The following BZW2 variants were observed in gnomAD, a reference collection of about 807,000 sequenced individuals.
BZW2 encodes the protein eIF5-mimic protein 1.
In BZW2, 23 loss-of-function variants were observed where a neutral mutation model predicts 53.2. That is an observed-to-expected ratio of 0.43 (90% CI 0.31 to 0.61). BZW2 has a LOEUF of 0.61. Ranked by LOEUF, BZW2 falls within the 20% of genes least tolerant of loss-of-function variation. The probability of loss-of-function intolerance (pLI) is 0.09; values close to 1 mark genes in which losing one functional copy is unlikely to be tolerated. For missense variants in BZW2, 409 were observed against 503.1 expected (o/e 0.81, Z 1.79); for synonymous variants, 227 against 186.4 (o/e 1.22, Z -1.77).
chr7:16,674,462 G>A lies in BZW2; in HGVS notation c.109G>A (p.Gly37Arg). The A allele has an allele frequency of 6.2e-7, 1 of 1,612,466 alleles. No individual in the cohort carries two copies. Among genetic ancestry groups the A allele is most frequent in the Non-Finnish European group, 8.5e-7 (1 of 1,179,020 alleles). ...PTVFRDTLVQGLNEAGDDLEA... is the reference protein window; with the variant it reads ...PTVFRDTLVQRLNEAGDDLEA... ...AGTCTTCAGGGATACACTTGTCCAG[G>A]GGCTTAATGAGGCTGGTGATGACCT... is the stretch of plus-strand genomic sequence containing the variant. Residue 37 changes from glycine (G) to arginine (R), a missense_variant, in exon 3 of 12, where the codon GGG becomes AGG. Coordinates refer to ENST00000258761, the MANE Select transcript of BZW2 (RefSeq NM_014038.3).
chr7:16,697,888 G>T, intron 9 of BZW2, 160 bp from the exon 10 acceptor site: 1 of 798,334 alleles, frequency 1.3e-6, no homozygotes. Context: ...CTACTGTTCT[G>T]TTCCCCTCAC....
At chr7:16,698,938 A>G (rs1171345920) in intron 10 of BZW2, among the ~76,000 whole-genome samples, 2 of 152,206 alleles carry the variant, frequency 1.3e-5, no homozygotes, top group Admixed American at 1.3e-4. Flanking sequence ...GAAAAGTTAA[A>G]ATAATACCAG....
In BZW2 at chr7:16,698,101, C is replaced by A; in HGVS notation, c.1023C>A (p.Ile341=). 6.2e-7 allele frequency: 1 copy of A among 1,614,164 alleles called. No homozygotes were observed. Among genetic ancestry groups the A allele is most frequent in the Non-Finnish European group, 8.5e-7 (1 of 1,180,000 alleles). ...VFSSQGQSEL[I]LLQKVQEYCY... is the part of the protein sequence containing the mutation. Reference sequence around the variant, plus strand: ...GCTCCCAAGGCCAGTCAGAGCTGATCCTCCTCCAGAAGGTTCAGGAATACT... The same window carrying A: ...GCTCCCAAGGCCAGTCAGAGCTGATACTCCTCCAGAAGGTTCAGGAATACT... The change falls in exon 10 of 12, where the codon ATC becomes ATA. Residue 341 remains isoleucine (I), a synonymous_variant. Coordinates refer to ENST00000258761, the MANE Select transcript of BZW2 (RefSeq NM_014038.3).
intron 1 of BZW2, among the ~76,000 whole-genome samples, chr7:16,663,715 C>G (rs1261486532): frequency 2.6e-5 from 4 of 151,866 alleles, no homozygotes; most frequent in Admixed American, 2.0e-4. Context: ...TATCTAAAAG[C>G]TTTGGAAGGT....
intron 1 of BZW2, among the ~76,000 whole-genome samples, chr7:16,661,551 A>G (rs1782261474): frequency 6.6e-6 from 1 of 152,098 alleles, no homozygotes; most frequent in Non-Finnish European, 1.5e-5. Context: ...AGACCTAAAA[A>G]CCTTTCAATT....
intron 4 of BZW2, among the ~76,000 whole-genome samples, chr7:16,682,516 A>G (rs1199652624): frequency 1.3e-5 from 2 of 151,998 alleles, no homozygotes; most frequent in Non-Finnish European, 1.5e-5. Context: ...AATCACATTT[A>G]TTTTATTTTC....
intron 1 of BZW2, among the ~76,000 whole-genome samples, chr7:16,660,921 C>T (rs1457304369): frequency 6.6e-6 from 1 of 152,094 alleles, no homozygotes; most frequent in African/African-American, 2.4e-5. Context: ...CAGCCATGAC[C>T]ATTTGTCTGC....
intron 10 of BZW2, among the ~76,000 whole-genome samples, chr7:16,703,153 C>A (rs938297387): frequency 6.6e-6 from 1 of 152,088 alleles, no homozygotes; most frequent in South Asian, 2.1e-4. Context: ...CAGTGGAGAG[C>A]TGGAAACAAA....
chr7:16,700,282 G>A (rs925674985), intron 10 of BZW2, among the ~76,000 whole-genome samples: 1 of 152,162 alleles, frequency 6.6e-6, no homozygotes, highest in African/African-American at 2.4e-5. Context: ...CCTGAGGAAT[G>A]ATTGTTCCAT....
At chr7:16,681,500 G>A in intron 4 of BZW2, 96 bp downstream of exon 4, 8 of 1,015,144 alleles carry the variant, frequency 7.9e-6, no homozygotes, top group African/African-American at 1.6e-5. Flanking sequence ...AGGAATCTTA[G>A]AAAGCCTTTA....
chr7:16,668,275 CG>C (rs1365526715), intron 2 of BZW2, among the ~76,000 whole-genome samples: 3 of 152,158 alleles, frequency 2.0e-5, no homozygotes, highest in African/African-American at 7.2e-5. Flanking sequence ...CTGGCCCTTA[CG>C]TTTGTCTTCA....
intron 5 of BZW2, 135 bp from the exon 6 acceptor site, chr7:16,685,770 T>A: frequency 8.9e-7 from 1 of 1,120,468 alleles, no homozygotes; most frequent in Non-Finnish European, 1.2e-6. Flanking sequence ...GCTTTGCATA[T>A]GACCTTCTGT....
intron 7 of BZW2, among the ~76,000 whole-genome samples, chr7:16,693,485 A>G (rs1783383438): frequency 6.6e-6 from 1 of 152,218 alleles, no homozygotes; most frequent in Non-Finnish European, 1.5e-5. Context: ...GCTAGCACAG[A>G]GTAATGGAAT....
intron 11 of BZW2, 100 bp from the exon 12 acceptor site, chr7:16,705,960 C>A: frequency 7.6e-7 from 1 of 1,323,662 alleles, no homozygotes; most frequent in Non-Finnish European, 1.1e-6. Context: ...TAAAAGTATG[C>A]TGGTGCAATG....
intron 2 of BZW2, among the ~76,000 whole-genome samples, chr7:16,671,420 A>G (rs1278423629): frequency 6.6e-6 from 1 of 152,184 alleles, no homozygotes; most frequent in Non-Finnish European, 1.5e-5. Flanking sequence ...AAACTAGCCC[A>G]CCCTAACCTT....
intron 1 of BZW2, among the ~76,000 whole-genome samples, chr7:16,655,643 C>A: frequency 6.6e-6 from 1 of 152,100 alleles, no homozygotes; most frequent in East Asian, 1.9e-4. Context: ...TAACTCTGTA[C>A]CTGTTCACCA....
chr7:16,656,113 A>T (rs1782114524), intron 1 of BZW2, among the ~76,000 whole-genome samples: 1 of 150,352 alleles, frequency 6.7e-6, no homozygotes, highest in South Asian at 2.1e-4. Context: ...ATATACATAT[A>T]TATGTGTGTA....
chr7:16,666,159 A>G (rs115501296), intron 2 of BZW2, among the ~76,000 whole-genome samples: 2,370 of 152,100 alleles, frequency 0.016, 63 homozygotes, highest in African/African-American at 0.054. Context: ...CAGTGGTGTG[A>G]TGATAGCTCA....
intron 1 of BZW2, among the ~76,000 whole-genome samples, chr7:16,654,319 T>C (rs1046887810): frequency 6.6e-6 from 1 of 151,934 alleles, no homozygotes; most frequent in Non-Finnish European, 1.5e-5. Flanking sequence ...GACATTTCCT[T>C]CTCTATAAGA....
Sources: gnomAD v4.1 joint callset for allele counts (sites outside exome capture counted in the v4.1 genomes callset) on GRCh38, gnomAD v4.1.1 for gene constraint, MANE v1.5 for transcripts, NCBI Gene and HGNC (gene_info 2026-07-23, HGNC 2026-07-21) for gene names.